Variants in CEP250 observed in about 807,000 individuals in gnomAD.
CEP250 encodes centrosome-associated protein CEP250.
Under a neutral mutation model 315.7 loss-of-function variants are expected in CEP250, and 242 were observed. The observed-to-expected ratio is 0.77, with a 90% CI of 0.69 to 0.85. CEP250 has a LOEUF of 0.85. Among genes scored for constraint, CEP250 ranks in the 40% least tolerant of loss-of-function variants. The pLI, the probability that CEP250 is intolerant of heterozygous loss-of-function variation, is 0.00. For missense variants in CEP250, 2,515 were observed against 2,886.4 expected, an observed-to-expected ratio of 0.87 and a Z score of 2.95; for synonymous variants, 1,088 against 1,175.0, an observed-to-expected ratio of 0.93 and a Z score of 1.51.
At chr20:35,480,219 T>C in intron 20 of CEP250, 74 bp downstream of exon 20, 1 of 1,436,684 alleles carries the variant, frequency 7.0e-7, no homozygotes, top group Non-Finnish European at 9.3e-7. Flanking sequence ...GTCCAGTTAT[T>C]GCTGCTCGTA....
At chr20:35,456,067 ATGTTT>A (rs539749299) in intron 1 of CEP250, among the ~76,000 whole-genome samples, 195 of 152,042 alleles carry the variant, frequency 1.3e-3, no homozygotes, top group African/African-American at 4.5e-3. Context: ...GGCTAATTTT[ATGTTT>A]TTAGTAGAGA....
Position 35,472,093 on chromosome 20 carries a change from G to C in CEP250, c.992G>C (p.Ser331Thr). ...TELMEHEASL[S>T]RNAQEEKLSL... Reference sequence around the variant, plus strand: ...TTAATGGAACATGAAGCATCTCTTAGTAGGAATGCGCAAGAGGAGAAGTTG... The same window carrying C: ...TTAATGGAACATGAAGCATCTCTTACTAGGAATGCGCAAGAGGAGAAGTTG... Residue 331 changes from serine (S) to threonine (T), a missense_variant, in exon 11 of 35, where the codon AGT becomes ACT. Coordinates refer to ENST00000397527, the MANE Select transcript of CEP250 (RefSeq NM_007186.6). 6.2e-7 allele frequency: 1 copy of C among 1,613,532 alleles called. No homozygotes were observed. Among genetic ancestry groups the C allele is most frequent in the Non-Finnish European group, 8.5e-7 (1 of 1,179,442 alleles).
chr20:35,510,859 G>A (rs1029326097), intron 34 of CEP250, among the ~76,000 whole-genome samples: 1 of 152,120 alleles, frequency 6.6e-6, no homozygotes. Flanking sequence ...GCTGGACGTG[G>A]TGGTGCACAC....
At chr20:35,498,344 C>G (rs1459876991) in intron 26 of CEP250, among the ~76,000 whole-genome samples, 1 of 152,176 alleles carries the variant, frequency 6.6e-6, no homozygotes, top group African/African-American at 2.4e-5. Flanking sequence ...TATGAGGTTG[C>G]AGATGTGAAT....
chr20:35,490,303 A>G (rs2063649186), intron 20 of CEP250, among the ~76,000 whole-genome samples: 1 of 151,988 alleles, frequency 6.6e-6, no homozygotes, highest in Non-Finnish European at 1.5e-5. Context: ...ACAGGGCAAG[A>G]CTCCGTCTCC....
rs1451368660 is a variant in CEP250 at position 35,503,527 on chromosome 20, C to A, written c.5158C>A (p.Gln1720Lys). Reference sequence around the variant, plus strand: ...GGAAGGGAAGGGCCCAAGTAAAGCACAGCGCGGGAGCCTAGAGCACATGAA... The same window carrying A: ...GGAAGGGAAGGGCCCAAGTAAAGCAAAGCGCGGGAGCCTAGAGCACATGAA... ...AEEGKGPSKAQRGSLEHMKLI... is the reference protein window; with the variant it reads ...AEEGKGPSKAKRGSLEHMKLI... Residue 1720 changes from glutamine to lysine, a missense_variant, in exon 30 of 35, where the codon CAG (glutamine) becomes AAG (lysine). By Grantham distance (53) the Gln-to-Lys change is moderately conservative. Coordinates refer to ENST00000397527, the MANE Select transcript of CEP250 (RefSeq NM_007186.6). The surrounding 1 kb of genome is among the most constrained non-coding windows in gnomAD (Gnocchi z 4.2). 6.2e-7 allele frequency: 1 copy of A among 1,614,024 alleles called. No homozygotes were observed. The highest frequency in any genetic ancestry group is 1.1e-5 in the South Asian group (1 of 91,088).
intron 33 of CEP250, among the ~76,000 whole-genome samples, chr20:35,509,711 A>G (rs373289502): frequency 2.0e-5 from 3 of 152,370 alleles, no homozygotes; most frequent in East Asian, 1.9e-4. Flanking sequence ...AAGCAGATAC[A>G]TGGTGTACTT....
rs987099499 is a variant in CEP250 at position 35,494,300 on chromosome 20, C to T, written c.3034-224C>T. ...AGCCAAGATTTTTATTTGTGCCTGC[C>T]TCTATGCAGCATATGTGAGGCTGGG... On this transcript the variant is annotated intron_variant, in intron 23 of 34. Transcript: ENST00000397527. 55 of 522,262 alleles carry T rather than the reference C, an allele frequency of 1.1e-4. No homozygotes were observed. In the Admixed American group the frequency reaches 1.8e-3, roughly 17 times the overall value. 32.4% of individuals were successfully genotyped at this position (522,262 alleles called of 1,614,324 possible).
At chr20:35,471,135 C>G (rs999057658) in intron 10 of CEP250, among the ~76,000 whole-genome samples, 37 of 152,106 alleles carry the variant, frequency 2.4e-4, no homozygotes, top group Non-Finnish European at 4.7e-4. Flanking sequence ...CTTGCCAATT[C>G]AGAATATCCA....
chr20:35,476,314 T>C, intron 15 of CEP250, 135 bp from the exon 16 acceptor site: 1 of 748,214 alleles, frequency 1.3e-6, no homozygotes, highest in South Asian at 1.9e-5. Flanking sequence ...AGGGAAAACT[T>C]GTTTAGAATG....
intron 31 of CEP250, 64 bp from the exon 32 acceptor site, chr20:35,507,971 C>G (rs926471847): frequency 6.2e-6 from 10 of 1,607,834 alleles, no homozygotes; most frequent in African/African-American, 1.3e-5. Context: ...GTCTGTGTGT[C>G]CTCTGTCTGT....
At position 35,498,906 on chromosome 20, in the gene CEP250, G is replaced by A. The variant is rs554362443; in HGVS notation, c.3777+190G>A. On this transcript the variant is annotated intron_variant, in intron 27 of 34. Coordinates refer to ENST00000397527, the MANE Select transcript of CEP250 (RefSeq NM_007186.6). ...CCTGGGCCTTGTTTTCCCTTGCAGAGTAGGGCAGATAGTGCCTGCTCAGGG... is the reference window on the plus strand; with the variant it reads ...CCTGGGCCTTGTTTTCCCTTGCAGAATAGGGCAGATAGTGCCTGCTCAGGG... Among the ~76,000 whole-genome samples, 35 of 152,330 alleles carry A rather than the reference G, an allele frequency of 2.3e-4. 1 individual carries two copies. The highest frequency in any genetic ancestry group is 8.2e-4 in the African/African-American group (34 of 41,574).
At chr20:35,473,838 G>A (rs774556340) in intron 13 of CEP250, 32 bp from the exon 14 acceptor site, 1 of 1,584,324 alleles carries the variant, frequency 6.3e-7, no homozygotes, top group Non-Finnish European at 8.6e-7. Flanking sequence ...AGGTCCTATG[G>A]TCTCTGCTCA....
chr20:35,512,142 C>T lies in CEP250; in HGVS notation c.*516C>T. On this transcript the variant is annotated 3_prime_UTR_variant, in exon 35 of 35. Transcript: ENST00000397527. ...AGAACACACAAGACAAAGCCCCTGT[C>T]CACAGACAGCCTACAGTCCAGTTGA... 1.7e-6 allele frequency: 1 copy of T among 603,962 alleles called. No homozygotes were observed. Among genetic ancestry groups the T allele is most frequent in the South Asian group, 7.2e-5 (1 of 13,908 alleles). The allele number at this position is 603,962 out of a possible 1,614,324, so 37.4% of individuals were successfully genotyped here.
chr20:35,476,401 C>T (rs183947982), intron 15 of CEP250, 48 bp from the exon 16 acceptor site: 160 of 1,577,352 alleles, frequency 1.0e-4, no homozygotes, highest in Non-Finnish European at 1.3e-4. Flanking sequence ...GTTTACTGTT[C>T]CAGGAAAATT....
chr20:35,464,749 C>G (rs1033636614), intron 5 of CEP250, among the ~76,000 whole-genome samples: 1 of 147,664 alleles, frequency 6.8e-6, no homozygotes, highest in Non-Finnish European at 1.5e-5. Flanking sequence ...GGTGAAACCC[C>G]ATCTCTACTA....
rs2064440497 is a variant in CEP250, at chr20:35,516,865, A to C, written c.*5239A>C. 2.2e-6 allele frequency: 1 copy of C among 444,906 alleles called. No homozygotes were observed. Among genetic ancestry groups the C allele is most frequent in the African/African-American group, 2.1e-5 (1 of 46,932 alleles). 27.6% of individuals were successfully genotyped at this position (444,906 alleles called of 1,614,324 possible). A position where few individuals can be genotyped will look rare whatever the true frequency, so the allele number is the denominator to read the frequency against. On this transcript the variant is annotated 3_prime_UTR_variant, in exon 35 of 35. Transcript: ENST00000397527. ...GGAGTCCAGGGGTACATCCAGAAGC[A>C]ATGGCAGGTGTTATCCATTCATTCA... is the stretch of plus-strand genomic sequence containing the variant.
chr20:35,511,090 A>G (rs920978732), intron 34 of CEP250, among the ~76,000 whole-genome samples: 1 of 152,232 alleles, frequency 6.6e-6, no homozygotes, highest in Non-Finnish European at 1.5e-5. Flanking sequence ...TCACATGTAA[A>G]TTATCTTTCA....
At position 35,509,992 on chromosome 20, in the gene CEP250, C is replaced by A. The variant is rs1300998575; in HGVS notation, c.7009-6C>A. On this transcript the variant is annotated splice_region_variant and splice_polypyrimidine_tract_variant and intron_variant, in intron 33 of 34. Coordinates refer to ENST00000397527, the MANE Select transcript of CEP250 (RefSeq NM_007186.6). ...TGCCAACAAGAGTGCTGTTTGTCTT[C>A]CTTAGGATGGGAGAGGACAGAAGAA... The A allele has an allele frequency of 6.2e-7, 1 of 1,613,978 alleles. No individual in the cohort carries two copies. The highest frequency in any genetic ancestry group is 1.1e-5 in the South Asian group (1 of 91,078).
Sources: gnomAD v4.1 joint callset for allele counts (sites outside exome capture counted in the v4.1 genomes callset) on GRCh38, gnomAD v4.1.1 for gene constraint, Gnocchi (gnomAD v3.1) non-coding constraint, MANE v1.5 for transcripts, NCBI Gene and HGNC (gene_info 2026-07-23, HGNC 2026-07-21) for gene names.